SMARCB1: variants seen among roughly 807,000 people sequenced by gnomAD.
SMARCB1 encodes SWI/SNF-related matrix-associated actin-dependent regulator of chromatin subfamily B member 1.
SMARCB1 carries 5 observed loss-of-function variants against 49.0 expected under a neutral mutation model. The observed-to-expected ratio is 0.10, with a 90% CI of 0.05 to 0.21. SMARCB1 has a LOEUF of 0.21. SMARCB1 is among the 10% of genes least tolerant of loss of function. The probability of loss-of-function intolerance (pLI) is 1.00; values close to 1 mark genes in which losing one functional copy is unlikely to be tolerated. For synonymous variants in SMARCB1, 201 were observed against 200.1 expected (o/e 1.00, Z -0.04); for missense variants, 226 against 509.2 (o/e 0.44, Z 5.35).
rs2031047488 is a variant in SMARCB1, at chr22:23,836,367, G to C, written c.*2187G>C. On this transcript the variant is annotated 3_prime_UTR_variant, in exon 9 of 9. Transcript: ENST00000644036. ...ATCAGCCTGAAGGCACCACTGGCAGGAACATCTGTAGGCTGGTTTGGCACA... is the reference window on the plus strand; with the variant it reads ...ATCAGCCTGAAGGCACCACTGGCAGCAACATCTGTAGGCTGGTTTGGCACA... 2 of 985,456 alleles carry C rather than the reference G, an allele frequency of 2.0e-6. No homozygotes were observed. The highest frequency in any genetic ancestry group is 2.4e-6 in the Non-Finnish European group (2 of 829,850). 61.0% of individuals were successfully genotyped at this position (985,456 alleles called of 1,614,324 possible). A position where few individuals can be genotyped will look rare whatever the true frequency, so the allele number is the denominator to read the frequency against.
chr22:23,830,237 T>C (rs1452943801), intron 7 of SMARCB1, among the ~76,000 whole-genome samples: 11 of 152,214 alleles, frequency 7.2e-5, no homozygotes, highest in African/African-American at 2.7e-4. Context: ...TTCTAGACTG[T>C]TTTCCAAAGT....
In SMARCB1 at chr22:23,835,781, G is replaced by A. The variant is rs1375943032; in HGVS notation, c.*1601G>A. ...AGGCAGCCCTGTGTCTCCACAACTG[G>A]GGGGATGGAAGGAACCTTGGCTGCC... On this transcript the variant is annotated 3_prime_UTR_variant, in exon 9 of 9. Coordinates refer to ENST00000644036, the MANE Select transcript of SMARCB1 (RefSeq NM_003073.5). The A allele has an allele frequency of 1.0e-6, 1 of 985,484 alleles. No homozygotes were observed. Among genetic ancestry groups the A allele is most frequent in the African/African-American group, 1.7e-5 (1 of 57,378 alleles). 61.0% of individuals were successfully genotyped at this position (985,484 alleles called of 1,614,324 possible).
chr22:23,834,686 G>T lies in SMARCB1; in HGVS notation c.*506G>T, dbSNP rs2030893738. The T allele has an allele frequency of 6.5e-6, 8 of 1,222,076 alleles. No homozygotes were observed. In the South Asian group the frequency reaches 1.2e-4, roughly 18 times the overall value. The allele number at this position is 1,222,076 out of a possible 1,614,324, so 75.7% of individuals were successfully genotyped here. Reference sequence around the variant, plus strand: ...CAGGTGGGGGTGAATGGGGCTCCGGGTAGCACCTCAGCTCCTCTCAGCTCC... The same window carrying T: ...CAGGTGGGGGTGAATGGGGCTCCGGTTAGCACCTCAGCTCCTCTCAGCTCC... On this transcript the variant is annotated 3_prime_UTR_variant, in exon 9 of 9. Coordinates refer to ENST00000644036, the MANE Select transcript of SMARCB1 (RefSeq NM_003073.5).
intron 7 of SMARCB1, among the ~76,000 whole-genome samples, chr22:23,826,779 G>A (rs1029578030): frequency 1.3e-5 from 2 of 152,246 alleles, no homozygotes; most frequent in Non-Finnish European, 2.9e-5. Context: ...ATCTGAGCAA[G>A]GAAGAAGGAA....
intron 2 of SMARCB1, chr22:23,792,515 A>T (rs1418035547): frequency 5.2e-6 from 1 of 191,368 alleles, no homozygotes; most frequent in Non-Finnish European, 1.1e-5. Flanking sequence ...CCATGGAGAC[A>T]TTTGGGTGTG....
intron 1 of SMARCB1, among the ~76,000 whole-genome samples, chr22:23,789,044 T>G (rs1298293401): frequency 6.6e-6 from 1 of 152,084 alleles, no homozygotes; most frequent in African/African-American, 2.4e-5. Context: ...AAGATGGGGT[T>G]TTACCATATT....
rs751567714 is a variant in SMARCB1, at chr22:23,787,154, C to G, written c.-16C>G. On this transcript the variant is annotated 5_prime_UTR_variant, in exon 1 of 9. Coordinates refer to ENST00000644036, the MANE Select transcript of SMARCB1 (RefSeq NM_003073.5). ...CCCTCGCAGCCCGGCTCCGGCCGCC[C>G]GCCTCTGCCGCCGCAATGATGATGA... The G allele has an allele frequency of 4.4e-6, 7 of 1,582,234 alleles. No individual in the cohort carries two copies. The Admixed American group carries it at 8.4e-5, about 19-fold the overall frequency.
At chr22:23,828,421 G>A (rs2030493079) in intron 7 of SMARCB1, among the ~76,000 whole-genome samples, 1 of 151,842 alleles carries the variant, frequency 6.6e-6, no homozygotes. Context: ...CACTTTGGGA[G>A]GCCGAGGTGG....
chr22:23,809,528 G>A (rs5760039), intron 5 of SMARCB1, among the ~76,000 whole-genome samples: 13,444 of 151,654 alleles, frequency 0.089, 787 homozygotes, highest in East Asian at 0.17. Context: ...CGCCCACCTC[G>A]GCCTCCCAAA....
chr22:23,791,634 C>T (rs1468786870), intron 1 of SMARCB1, 122 bp from the exon 2 acceptor site: 22 of 900,506 alleles, frequency 2.4e-5, no homozygotes, highest in East Asian at 1.4e-4. Flanking sequence ...CTGCCGAAAG[C>T]GTGGCGCCTG....
At chr22:23,791,422 G>A (rs1451102024) in intron 1 of SMARCB1, among the ~76,000 whole-genome samples, 2 of 152,224 alleles carry the variant, frequency 1.3e-5, no homozygotes, top group Non-Finnish European at 2.9e-5. Flanking sequence ...GAAGGTCAAG[G>A]AGGCCTTGCA....
chr22:23,831,358 G>A (rs1017765342), intron 7 of SMARCB1, among the ~76,000 whole-genome samples: 19 of 152,180 alleles, frequency 1.2e-4, no homozygotes, highest in African/African-American at 2.7e-4. Flanking sequence ...TCCCTCAGAC[G>A]TGAGCATCCC....
chr22:23,837,312 C>T lies in SMARCB1; in HGVS notation c.*3132C>T, dbSNP rs2070461. On this transcript the variant is annotated 3_prime_UTR_variant, in exon 9 of 9. Transcript: ENST00000644036. ...CACAGAGTGCCAGCCCCGGGTTGGCCGTGAAGGACAAGCTTAAAAGGCCCA... is the reference window on the plus strand; with the variant it reads ...CACAGAGTGCCAGCCCCGGGTTGGCTGTGAAGGACAAGCTTAAAAGGCCCA... 98,906 of 984,434 alleles carry T rather than the reference C, an allele frequency of 0.1. 5,847 individuals carry two copies. The highest frequency in any genetic ancestry group is 0.17 in the East Asian group (6,268 of 37,852). 61.0% of individuals were successfully genotyped at this position (984,434 alleles called of 1,614,324 possible).
chr22:23,836,761 G>GC lies in SMARCB1; in HGVS notation c.*2584dup. The GC allele has an allele frequency of 7.2e-7, 1 of 1,393,202 alleles. No homozygotes were observed. The highest frequency in any genetic ancestry group is 9.3e-7 in the Non-Finnish European group (1 of 1,076,282). The allele number at this position is 1,393,202 out of a possible 1,614,324, so 86.3% of individuals were successfully genotyped here. On this transcript the variant is annotated 3_prime_UTR_variant, in exon 9 of 9. Transcript: ENST00000644036. ...CAGCTCATTCTGTTTATTCAGGTGG[G>GC]CCCTTGCATGGGCCCAGCCTTTAGG...
chr22:23,824,732 C>T (rs956471016), intron 6 of SMARCB1: 4 of 191,422 alleles, frequency 2.1e-5, no homozygotes, highest in South Asian at 1.1e-4. Flanking sequence ...GTCCCCTCAC[C>T]GTGTTGACCC....
At chr22:23,818,142 GTGTGTGTGTGT>G (rs1568953165) in intron 6 of SMARCB1, 4 of 4,296 alleles carry the variant, frequency 9.3e-4, no homozygotes, top group East Asian at 5.7e-3. Flanking sequence ...CTTTGGGTGT[GTGTGTGTGTGT>G]GTGTGTGTGT....
intron 7 of SMARCB1, among the ~76,000 whole-genome samples, chr22:23,828,153 C>T (rs137878616): frequency 0.064 from 9,785 of 152,172 alleles, 1,025 homozygotes; most frequent in African/African-American, 0.22. Context: ...CCTGGGTTCA[C>T]GCCATTCTCC....
At chr22:23,801,254 T>G in intron 4 of SMARCB1, 173 bp downstream of exon 4, 2 of 916,748 alleles carry the variant, frequency 2.2e-6, no homozygotes, top group Non-Finnish European at 3.5e-6. Context: ...CAGGACATTG[T>G]CCATAGCCTC....
At chr22:23,795,784 A>G (rs1928707116) in intron 3 of SMARCB1, among the ~76,000 whole-genome samples, 1 of 149,038 alleles carries the variant, frequency 6.7e-6, no homozygotes, top group Admixed American at 6.7e-5. Flanking sequence ...TGTGTGCTGG[A>G]GGTGCTTTTT....
Sources: gnomAD v4.1 joint callset for allele counts (sites outside exome capture counted in the v4.1 genomes callset) on GRCh38, gnomAD v4.1.1 for gene constraint, MANE v1.5 for transcripts, NCBI Gene and HGNC (gene_info 2026-07-23, HGNC 2026-07-21) for gene names.